ARRB2: variants seen among roughly 807,000 people sequenced by gnomAD.
ARRB2 encodes beta-arrestin-2.
Under a neutral mutation model 53.4 loss-of-function variants are expected in ARRB2, and 21 were observed. That is an observed-to-expected ratio of 0.39 (90% CI 0.28 to 0.57). ARRB2 has a LOEUF of 0.57. Ranked by LOEUF, ARRB2 falls within the 20% of genes least tolerant of loss-of-function variation. The pLI is 0.55. For synonymous variants in ARRB2, 180 were observed against 212.9 expected (o/e 0.85, Z 1.34); for missense variants, 369 against 527.5 (o/e 0.70, Z 2.94).
At chr17:4,718,133 G>A in intron 8 of ARRB2, 110 bp downstream of exon 8, 1 of 1,565,704 alleles carries the variant, frequency 6.4e-7, no homozygotes, top group Non-Finnish European at 8.7e-7. Context: ...TTGGCTGGGT[G>A]TGGACAGTTG....
At chr17:4,714,177 C>T (rs1484397312) in intron 1 of ARRB2, among the ~76,000 whole-genome samples, 1 of 152,138 alleles carries the variant, frequency 6.6e-6, no homozygotes, top group Non-Finnish European at 1.5e-5. Flanking sequence ...ACAAGTAAAA[C>T]ATAAACAAGG....
intron 1 of ARRB2, among the ~76,000 whole-genome samples, chr17:4,712,568 C>T (rs993757580): frequency 6.6e-6 from 1 of 152,230 alleles, no homozygotes; most frequent in Admixed American, 6.5e-5. Flanking sequence ...CAGGATTTCA[C>T]GTTTCTGCTA....
chr17:4,721,276 T>C lies in ARRB2; in HGVS notation c.*237T>C. The stretch of plus-strand genomic sequence containing the variant: ...CAGCTCTGCTTCTCCAGCCCCGCCG[T>C]GGGTGGCAAGCTGTGTTCATACCTA... On this transcript the variant is annotated 3_prime_UTR_variant, in exon 15 of 15. Transcript: ENST00000269260. The surrounding 1 kb of genome is among the most constrained non-coding windows in gnomAD (Gnocchi z 4.2). 1 of 514,576 alleles carries C rather than the reference T, an allele frequency of 1.9e-6. No individual in the cohort carries two copies. Among genetic ancestry groups the C allele is most frequent in the Non-Finnish European group, 3.4e-6 (1 of 290,540 alleles). 31.9% of individuals were successfully genotyped at this position (514,576 alleles called of 1,614,324 possible). A position where few individuals can be genotyped will look rare whatever the true frequency, so the allele number is the denominator to read the frequency against.
chr17:4,715,970 C>T lies in ARRB2; in HGVS notation c.55-3C>T. 4 of 1,614,202 alleles carry T rather than the reference C, an allele frequency of 2.5e-6. No homozygotes were observed. Among genetic ancestry groups the T allele is most frequent in the Non-Finnish European group, 1.7e-6 (2 of 1,180,018 alleles). ...CTCCCCTGTGACCCCTTGACATCCTCAGCTCACCGTGTACTTGGGCAAGCG... is the reference window on the plus strand; with the variant it reads ...CTCCCCTGTGACCCCTTGACATCCTTAGCTCACCGTGTACTTGGGCAAGCG... On this transcript the variant is annotated splice_polypyrimidine_tract_variant and splice_region_variant and intron_variant, in intron 2 of 14. Coordinates refer to ENST00000269260, the MANE Select transcript of ARRB2 (RefSeq NM_004313.4).
chr17:4,713,852 T>G (rs1378108456), intron 1 of ARRB2, among the ~76,000 whole-genome samples: 1 of 149,954 alleles, frequency 6.7e-6, no homozygotes, highest in Non-Finnish European at 1.5e-5. Flanking sequence ...TAATCCCAGC[T>G]ACTCAGGAGG....
rs939165053 is a variant in ARRB2 at position 4,721,111 on chromosome 17, A to G, written c.*72A>G. 33 of 1,455,918 alleles carry G rather than the reference A, an allele frequency of 2.3e-5. No individual in the cohort carries two copies. Among genetic ancestry groups the G allele is most frequent in the African/African-American group, 1.8e-4 (13 of 71,550 alleles). 90.2% of individuals were successfully genotyped at this position (1,455,918 alleles called of 1,614,324 possible). ...GGCAGGATTAAGATCCCCACTGTCAATGGGGGATTGTCCCAGCCCCTCTTC... is the reference window on the plus strand; with the variant it reads ...GGCAGGATTAAGATCCCCACTGTCAGTGGGGGATTGTCCCAGCCCCTCTTC... On this transcript the variant is annotated 3_prime_UTR_variant, in exon 15 of 15. Coordinates refer to ENST00000269260, the MANE Select transcript of ARRB2 (RefSeq NM_004313.4). This position sits in a 1 kb window ranked among gnomAD's most constrained non-coding sequence, Gnocchi z 4.2.
chr17:4,714,548 A>G (rs1914752595), intron 1 of ARRB2: 4 of 257,716 alleles, frequency 1.6e-5, no homozygotes, highest in Non-Finnish European at 2.9e-5. Context: ...ATGAGGGTGG[A>G]CAAGACAAGG....
rs912445374 is a variant in ARRB2 at position 4,716,087 on chromosome 17, G to A, written c.115+54G>A. On this transcript the variant is annotated intron_variant, in intron 3 of 14. Coordinates refer to ENST00000269260, the MANE Select transcript of ARRB2 (RefSeq NM_004313.4). ...TTCCCCAAGAGGGGAAGAAGTTCCC[G>A]GGCCCAGGAAAGCGGGGAGCGGCCC... 3.5e-5 allele frequency: 56 copies of A among 1,614,040 alleles called. No homozygotes were observed. The African/African-American group carries it at 4.5e-4, about 13-fold the overall frequency.
rs1164609996 is a variant in ARRB2, at chr17:4,715,470, AACAC to A, written c.54+439_54+442del. 94 of 203,650 alleles carry A rather than the reference AACAC, an allele frequency of 4.6e-4. 1 individual carries two copies. The highest frequency in any genetic ancestry group is 2.9e-4 in the African/African-American group (10 of 34,968). The allele number at this position is 203,650 out of a possible 1,614,324, so 12.6% of individuals were successfully genotyped here. On this transcript the variant is annotated intron_variant, in intron 2 of 14. Transcript: ENST00000269260. Reference sequence around the variant, plus strand: ...GGGCTGAGTTCTCCCCGAGGATCCAAACACACACACACACAGACACACACACACA... The same window carrying A: ...GGGCTGAGTTCTCCCCGAGGATCCAAACACACACACAGACACACACACACA...
chr17:4,713,930 C>T (rs138561116), intron 1 of ARRB2, among the ~76,000 whole-genome samples: 97 of 152,328 alleles, frequency 6.4e-4, no homozygotes, highest in African/African-American at 2.1e-3. Context: ...CACCACTGCA[C>T]TCCAGCCTGG....
intron 1 of ARRB2, among the ~76,000 whole-genome samples, chr17:4,711,878 AG>A (rs374652225): frequency 7.3e-4 from 111 of 152,346 alleles, no homozygotes; most frequent in African/African-American, 2.7e-3. Flanking sequence ...AGCGAATAGC[AG>A]GAAGTGTGAA....
chr17:4,718,349 G>C lies in ARRB2; in HGVS notation c.706+4G>C, dbSNP rs1915290543. ...GTCAAGAAGATCAAAGTCTCTGGTAGGAGGTGGGGTTTGGAAGGGGGTCTT... is the reference window on the plus strand; with the variant it reads ...GTCAAGAAGATCAAAGTCTCTGGTACGAGGTGGGGTTTGGAAGGGGGTCTT... On this transcript the variant is annotated splice_donor_region_variant and intron_variant, in intron 9 of 14. Coordinates refer to ENST00000269260, the MANE Select transcript of ARRB2 (RefSeq NM_004313.4). 6.2e-7 allele frequency: 1 copy of C among 1,608,818 alleles called. No individual in the cohort carries two copies. The highest frequency in any genetic ancestry group is 1.3e-5 in the African/African-American group (1 of 74,864).
rs1316270209 is a variant in ARRB2 at position 4,715,052 on chromosome 17, C to CCA, written c.54+12_54+13dup. 6.2e-7 allele frequency: 1 copy of CCA among 1,605,656 alleles called. No individual in the cohort carries two copies. Among genetic ancestry groups the CCA allele is most frequent in the Admixed American group, 1.7e-5 (1 of 58,714 alleles). On this transcript the variant is annotated intron_variant, in intron 2 of 14. Transcript: ENST00000269260. ...CGAGCCCTAACTGCAAGGTGAGTCT[C>CCA]CACAGCACTTACCCTTTTGACCCTC...
chr17:4,715,224 CCTGAGCCAGCCACAGGG>C lies in ARRB2; in HGVS notation c.54+185_54+201del. ...GCCCCTTGCCGCAGAGGCTGCTCAGCCTGAGCCAGCCACAGGGCTGGGTGGGGCAGGCTTGGGTCCCC... is the reference window on the plus strand; with the variant it reads ...GCCCCTTGCCGCAGAGGCTGCTCAGCCTGGGTGGGGCAGGCTTGGGTCCCC... On this transcript the variant is annotated intron_variant, in intron 2 of 14. Coordinates refer to ENST00000269260, the MANE Select transcript of ARRB2 (RefSeq NM_004313.4). 5.6e-6 allele frequency: 4 copies of C among 714,650 alleles called. No homozygotes were observed. In the South Asian group the frequency reaches 6.0e-5, roughly 11 times the overall value. 44.3% of individuals were successfully genotyped at this position (714,650 alleles called of 1,614,324 possible). A position where few individuals can be genotyped will look rare whatever the true frequency, so the allele number is the denominator to read the frequency against.
In ARRB2 at chr17:4,710,652, A is replaced by C; in HGVS notation, c.-70A>C. The C allele has an allele frequency of 1.0e-5, 4 of 398,338 alleles. No homozygotes were observed. Among genetic ancestry groups the C allele is most frequent in the East Asian group, 7.1e-5 (2 of 28,024 alleles). The allele number at this position is 398,338 out of a possible 1,614,324, so 24.7% of individuals were successfully genotyped here. ...CGTGCGCATTGGCGCGGGGAGGAGC[A>C]GGGATCTTGGCAGCGGGCGAGGAGG... On this transcript the variant is annotated 5_prime_UTR_variant, in exon 1 of 15. Transcript: ENST00000269260.
At position 4,717,545 on chromosome 17, in the gene ARRB2, G is replaced by A; in HGVS notation, c.418-140G>A. The A allele has an allele frequency of 8.5e-7, 1 of 1,179,758 alleles. No homozygotes were observed. The allele number at this position is 1,179,758 out of a possible 1,614,324, so 73.1% of individuals were successfully genotyped here. A position where few individuals can be genotyped will look rare whatever the true frequency, so the allele number is the denominator to read the frequency against. ...CTGCCAGGTTCTGGGCTTTGGAGAGGAAGAAGACTTAGTCCCCAGGGTCGT... is the reference window on the plus strand; with the variant it reads ...CTGCCAGGTTCTGGGCTTTGGAGAGAAAGAAGACTTAGTCCCCAGGGTCGT... On this transcript the variant is annotated intron_variant, in intron 6 of 14. Transcript: ENST00000269260. This position sits in a 1 kb window ranked among gnomAD's most constrained non-coding sequence, Gnocchi z 6.0.
intron 2 of ARRB2, chr17:4,715,411 G>A (rs187619312): frequency 9.4e-6 from 3 of 319,180 alleles, no homozygotes; most frequent in Admixed American, 9.2e-5. Context: ...AGGGGACCTA[G>A]TGAGGGTGGC....
At position 4,718,633 on chromosome 17, in the gene ARRB2, G is replaced by C; in HGVS notation, c.728G>C (p.Cys243Ser). 3.7e-6 allele frequency: 6 copies of C among 1,613,678 alleles called. No individual in the cohort carries two copies. Among genetic ancestry groups the C allele is most frequent in the Non-Finnish European group, 5.1e-6 (6 of 1,180,006 alleles). The part of the protein sequence containing the change: ...KVSVRQYADI[C>S]LFSTAQYKCP... ...ACAGTGAGACAGTACGCCGACATCTGCCTCTTCAGCACCGCCCAGTACAAG... is the reference window on the plus strand; with the variant it reads ...ACAGTGAGACAGTACGCCGACATCTCCCTCTTCAGCACCGCCCAGTACAAG... The change falls in exon 10 of 15, where the codon TGC becomes TCC. Residue 243 changes from cysteine (C) to serine (S), a missense_variant. Physicochemically the swap from Cys to Ser is moderately radical, Grantham distance 112 (BLOSUM62 -1). Coordinates refer to ENST00000269260, the MANE Select transcript of ARRB2 (RefSeq NM_004313.4).
At chr17:4,710,783 G>C in intron 1 of ARRB2, 39 bp downstream of exon 1, 1 of 398,548 alleles carries the variant, frequency 2.5e-6, no homozygotes, top group East Asian at 3.6e-5. Flanking sequence ...CATGGGCGGC[G>C]GCTCGGGGCG....
Sources: allele counts gnomAD v4.1 joint callset (sites outside exome capture counted in the v4.1 genomes callset), GRCh38; gene constraint gnomAD v4.1.1; non-coding constraint Gnocchi (gnomAD v3.1); transcripts MANE v1.5; gene names NCBI Gene and HGNC (gene_info 2026-07-23, HGNC 2026-07-21).